The following RPH3AL variants were observed in gnomAD, a reference collection of about 807,000 sequenced individuals.
RPH3AL encodes rab effector Noc2.
RPH3AL carries 38 observed loss-of-function variants against 43.1 expected under a neutral mutation model. The ratio of observed to expected loss-of-function variants is 0.88; its 90% CI spans 0.68 to 1.15. RPH3AL has a LOEUF of 1.15. Among genes scored for constraint, RPH3AL ranks in the 50% most tolerant of loss-of-function variants. The pLI, the probability that RPH3AL is intolerant of heterozygous loss-of-function variation, is 0.00. For missense variants in RPH3AL, 462 were observed against 423.2 expected (o/e 1.09, Z -0.81); for synonymous variants, 189 against 176.3 (o/e 1.07, Z -0.57).
In RPH3AL at chr17:311,407, C is replaced by G. The variant is rs554720568; in HGVS notation, c.351+8013G>C. Among the ~76,000 whole-genome samples, 324 of 152,310 alleles carry G rather than the reference C, an allele frequency of 2.1e-3. 1 individual carries two copies. The highest frequency in any genetic ancestry group is 2.7e-3 in the Non-Finnish European group (182 of 68,022). ...TGTGGTCTTCCCCTCCCCGGATGCC[C>G]TTCCCTCTGCCCTCAGCCTTTCAGA... On this transcript the variant is annotated intron_variant, in intron 5 of 9. Transcript: ENST00000331302.
At chr17:315,117 G>C (rs1224217166) in intron 5 of RPH3AL, among the ~76,000 whole-genome samples, 10 of 150,228 alleles carry the variant, frequency 6.7e-5, no homozygotes, top group African/African-American at 2.5e-4. Flanking sequence ...CACCTCCATT[G>C]ACCTGTAGTC....
At chr17:331,192 C>A (rs58799484) in intron 2 of RPH3AL, 19,090 of 160,370 alleles carry the variant, frequency 0.12, 1,193 homozygotes, top group Middle Eastern at 0.15. Flanking sequence ...GAGGAGGCCG[C>A]GAGAACTGCT....
intron 6 of RPH3AL, among the ~76,000 whole-genome samples, chr17:266,157 G>A (rs782318723): frequency 1.1e-4 from 17 of 152,130 alleles, no homozygotes; most frequent in Non-Finnish European, 2.5e-4. Context: ...CTTCCAGGAG[G>A]ATTCATGTAT....
intron 5 of RPH3AL, among the ~76,000 whole-genome samples, chr17:312,460 A>G (rs1057113059): frequency 3.3e-5 from 5 of 152,186 alleles, no homozygotes; most frequent in Non-Finnish European, 7.3e-5. Context: ...CTCCAAACTG[A>G]AAAATAAATA....
At chr17:235,231 C>T (rs111351238) in intron 7 of RPH3AL, among the ~76,000 whole-genome samples, 14,552 of 101,068 alleles carry the variant, frequency 0.14, 738 homozygotes, top group Middle Eastern at 0.15. Flanking sequence ...GCGGAGGCTC[C>T]GCACTAACAA....
At chr17:235,026 C>T (rs1369715953) in intron 7 of RPH3AL, among the ~76,000 whole-genome samples, 4 of 152,112 alleles carry the variant, frequency 2.6e-5, no homozygotes, top group African/African-American at 9.7e-5. Context: ...ATGCGTTTGA[C>T]GGAAAAACGG....
At chr17:216,999 A>T (rs983027195) in intron 8 of RPH3AL, among the ~76,000 whole-genome samples, 2 of 151,584 alleles carry the variant, frequency 1.3e-5, no homozygotes, top group Non-Finnish European at 2.9e-5. Context: ...GTTATTACAG[A>T]GCCCTTCTTC....
chr17:335,379 A>C (rs1018377527), intron 1 of RPH3AL, among the ~76,000 whole-genome samples: 33 of 152,228 alleles, frequency 2.2e-4, no homozygotes, highest in African/African-American at 7.9e-4. Flanking sequence ...GGTGTCGGCC[A>C]CAGAGAGAGG....
intron 6 of RPH3AL, among the ~76,000 whole-genome samples, chr17:266,720 C>T (rs573864078): frequency 6.6e-6 from 1 of 152,372 alleles, no homozygotes; most frequent in South Asian, 2.1e-4. Flanking sequence ...CAGTGAGAAA[C>T]AGAATTCTGA....
At chr17:266,538 C>T (rs946331319) in intron 6 of RPH3AL, among the ~76,000 whole-genome samples, 3 of 152,226 alleles carry the variant, frequency 2.0e-5, no homozygotes, top group Non-Finnish European at 4.4e-5. Flanking sequence ...GCACCTGCCC[C>T]TGTCCTTTCT....
chr17:243,834 T>A (rs1667225905), intron 7 of RPH3AL, among the ~76,000 whole-genome samples: 1 of 151,302 alleles, frequency 6.6e-6, no homozygotes, highest in African/African-American at 2.4e-5. Context: ...CTTCCTCTAT[T>A]GATTACCTTC....
At chr17:310,450 C>G (rs911679267) in intron 5 of RPH3AL, among the ~76,000 whole-genome samples, 1 of 152,168 alleles carries the variant, frequency 6.6e-6, no homozygotes, top group African/African-American at 2.4e-5. Flanking sequence ...GGCCTGGATG[C>G]TTCCCACGGC....
At position 213,542 on chromosome 17, in the gene RPH3AL, C is replaced by A; in HGVS notation, c.*310G>T. ...CTGACACTGCATGTGGGAAACCCCC[C>A]AGCCCAACCCAAGACACGCGCAAAC... On this transcript the variant is annotated 3_prime_UTR_variant, in exon 10 of 10. Coordinates refer to ENST00000331302, the MANE Select transcript of RPH3AL (RefSeq NM_006987.4). 1 of 483,812 alleles carries A rather than the reference C, an allele frequency of 2.1e-6. No homozygotes were observed. The highest frequency in any genetic ancestry group is 3.8e-6 in the Non-Finnish European group (1 of 265,460). The allele number at this position is 483,812 out of a possible 1,614,324, so 30.0% of individuals were successfully genotyped here. A position where few individuals can be genotyped will look rare whatever the true frequency, so the allele number is the denominator to read the frequency against.
chr17:315,094 G>C (rs531698200), intron 5 of RPH3AL, among the ~76,000 whole-genome samples: 10 of 142,780 alleles, frequency 7.0e-5, no homozygotes, highest in African/African-American at 2.3e-4. Context: ...CTGAATTGTA[G>C]TCCCTGTGAC....
At chr17:332,750 T>C (rs2044818341) in intron 2 of RPH3AL, 1 of 294,526 alleles carries the variant, frequency 3.4e-6, no homozygotes. Flanking sequence ...CTGAGCTCGC[T>C]CCTTGCTGAG....
intron 1 of RPH3AL, among the ~76,000 whole-genome samples, chr17:350,600 C>A (rs1165079129): frequency 1.3e-5 from 2 of 152,132 alleles, no homozygotes; most frequent in Non-Finnish European, 2.9e-5. Context: ...CAGAGCAAGA[C>A]CCCATCTCAA....
rs62621257 is a variant in RPH3AL at position 245,833 on chromosome 17, G to C, written c.613+1278C>G. 6.6e-6 allele frequency among the ~76,000 whole-genome samples: 1 copy of C among 152,190 alleles called. No individual in the cohort carries two copies. The highest frequency in any genetic ancestry group is 1.9e-4 in the East Asian group (1 of 5,156). Reference sequence around the variant, plus strand: ...ACCCCCTCCTCCTGAGGGACTCCCCGCCTGCACGGTCTCCACTGCATTGCA... The same window carrying C: ...ACCCCCTCCTCCTGAGGGACTCCCCCCCTGCACGGTCTCCACTGCATTGCA... On this transcript the variant is annotated intron_variant, in intron 7 of 9. Coordinates refer to ENST00000331302, the MANE Select transcript of RPH3AL (RefSeq NM_006987.4). This position sits in a 1 kb window ranked among gnomAD's most constrained non-coding sequence, Gnocchi z 5.9.
At chr17:317,739 C>G (rs982486075) in intron 5 of RPH3AL, among the ~76,000 whole-genome samples, 11 of 152,236 alleles carry the variant, frequency 7.2e-5, no homozygotes, top group Non-Finnish European at 1.5e-4. Context: ...GGCTTTCCTG[C>G]TTACTAATTG....
chr17:224,172 C>G (rs924171211), intron 7 of RPH3AL, among the ~76,000 whole-genome samples: 2 of 151,934 alleles, frequency 1.3e-5, no homozygotes, highest in African/African-American at 4.8e-5. Flanking sequence ...GCCCCACCTG[C>G]AGGCACTCCA....
Sources: gnomAD v4.1 joint callset for allele counts (sites outside exome capture counted in the v4.1 genomes callset) on GRCh38, gnomAD v4.1.1 for gene constraint, Gnocchi (gnomAD v3.1) non-coding constraint, MANE v1.5 for transcripts, NCBI Gene and HGNC (gene_info 2026-07-23, HGNC 2026-07-21) for gene names.